Variants in ADGRG4 observed in about 807,000 individuals in gnomAD.
ADGRG4 encodes the protein G protein-coupled receptor 112.
In ADGRG4, 122 loss-of-function variants were observed where a neutral mutation model predicts 126.2. The observed-to-expected ratio is 0.97, with a 90% CI of 0.83 to 1.12. The LOEUF (loss-of-function observed/expected upper bound fraction) is 1.12. Ranked by LOEUF, ADGRG4 falls within the 50% of genes most tolerant of loss-of-function variation. The pLI is 0.00. For synonymous variants in ADGRG4, 943 were observed against 838.7 expected (o/e 1.12, Z -2.15); for missense variants, 2,481 against 2,251.8 (o/e 1.10, Z -2.06).
chrX:136,305,005 A>G lies in ADGRG4; in HGVS notation c.-28A>G, dbSNP rs2074724276. Reference sequence around the variant, plus strand: ...CACTTTACATACTGTGTGTTATGTAATCTTCACAGCAATATGAGGTGAGTT... The same window carrying G: ...CACTTTACATACTGTGTGTTATGTAGTCTTCACAGCAATATGAGGTGAGTT... On this transcript the variant is annotated 5_prime_UTR_variant, in exon 3 of 26. An upstream open reading frame in the 5' UTR loses its in-frame stop. Transcript: ENST00000394143. 1 of 111,955 alleles carries G rather than the reference A, an allele frequency of 8.9e-6. No individual in the cohort carries two copies. Among genetic ancestry groups the G allele is most frequent in the Non-Finnish European group, 1.9e-5 (1 of 53,173 alleles). 9.2% of individuals were successfully genotyped at this position (111,955 alleles called of 1,213,427 possible). A position where few individuals can be genotyped will look rare whatever the true frequency, so the allele number is the denominator to read the frequency against.
chrX:136,319,008 G>T (rs889094626), intron 4 of ADGRG4, among the ~76,000 whole-genome samples: 17 of 112,881 alleles, frequency 1.5e-4, no homozygotes, highest in Non-Finnish European at 3.0e-4. Flanking sequence ...GAGCAATCAT[G>T]CAATTTGGAC....
intron 5 of ADGRG4, among the ~76,000 whole-genome samples, chrX:136,330,717 A>G (rs531977184): frequency 9.0e-6 from 1 of 111,695 alleles, no homozygotes; most frequent in African/African-American, 3.3e-5. Context: ...CTGTGGGTAC[A>G]TATTAGGTGT....
chrX:136,345,012 G>A lies in ADGRG4; in HGVS notation c.1306G>A (p.Glu436Lys). 1.7e-6 allele frequency: 2 copies of A among 1,211,339 alleles called. No homozygotes were observed. Among genetic ancestry groups the A allele is most frequent in the Non-Finnish European group, 2.2e-6 (2 of 895,269 alleles). The change falls in exon 6 of 26, where the codon GAG becomes AAG. Residue 436 changes from glutamate (E) to lysine (K), a missense_variant. Physicochemically the swap from Glu to Lys is moderately conservative, Grantham distance 56. Transcript: ENST00000394143. ...GALPISTAGQEFIESTAAGTV... is the reference protein window; with the variant it reads ...GALPISTAGQKFIESTAAGTV... ...ACTCCCTATCTCCACAGCTGGCCAG[G>A]AGTTCATTGAATCTACAGCTGCCGG... is the stretch of plus-strand genomic sequence containing the variant.
At chrX:136,301,166 T>A (rs1478550914) in intron 1 of ADGRG4, among the ~76,000 whole-genome samples, 166 bp downstream of exon 1, 1 of 112,173 alleles carries the variant, frequency 8.9e-6, no homozygotes, top group African/African-American at 3.2e-5. Context: ...TGCCACACTG[T>A]CTTCCACAAT....
chrX:136,339,103 C>T (rs1045231744), intron 5 of ADGRG4, among the ~76,000 whole-genome samples: 2 of 110,848 alleles, frequency 1.8e-5, no homozygotes, highest in Non-Finnish European at 3.8e-5. Flanking sequence ...TCTTGACTTC[C>T]GCTAGTCTCT....
chrX:136,387,448 C>T (rs2075297846), intron 15 of ADGRG4, among the ~76,000 whole-genome samples: 1 of 111,919 alleles, frequency 8.9e-6, no homozygotes, highest in Non-Finnish European at 1.9e-5. Context: ...ATTTCCCTCT[C>T]ATCTCTATTA....
At chrX:136,316,795 A>G (rs1023498378) in intron 4 of ADGRG4, among the ~76,000 whole-genome samples, 1 of 110,962 alleles carries the variant, frequency 9.0e-6, no homozygotes, top group African/African-American at 3.3e-5. Context: ...AAATAAATGT[A>G]TTTATTACTT....
In ADGRG4 at chrX:136,345,658, G is replaced by A. The variant is rs764341510; in HGVS notation, c.1952G>A (p.Ser651Asn). The A allele has an allele frequency of 6.5e-5, 79 of 1,208,882 alleles. No individual in the cohort carries two copies. Among genetic ancestry groups the A allele is most frequent in the Non-Finnish European group, 8.6e-5 (77 of 894,391 alleles). ...GATGAAGCTGCCCATCTGTTCTCCA[G>A]CAATGAGACCATTTGGACTTCTAGG... ...TTDEAAHLFS[S>N]NETIWTSRPD... The change falls in exon 6 of 26, where the codon AGC becomes AAC. Residue 651 changes from serine (S) to asparagine (N), a missense_variant. By Grantham distance (46) the Ser-to-Asn change is conservative. Transcript: ENST00000394143.
At chrX:136,316,778 A>AC (rs1160546342) in intron 4 of ADGRG4, among the ~76,000 whole-genome samples, 1 of 110,755 alleles carries the variant, frequency 9.0e-6, no homozygotes. Context: ...TTACTCACTG[A>AC]CTTTTAAAAT....
intron 4 of ADGRG4, among the ~76,000 whole-genome samples, chrX:136,313,586 A>C (rs1020221084): frequency 2.7e-5 from 3 of 111,939 alleles, no homozygotes; most frequent in African/African-American, 6.5e-5. Context: ...ACAGATGAAA[A>C]ACGCTCATAT....
intron 13 of ADGRG4, 121 bp from the exon 14 acceptor site, chrX:136,371,207 A>C: frequency 2.4e-6 from 1 of 411,388 alleles, no homozygotes; most frequent in Non-Finnish European, 4.1e-6. Flanking sequence ...TCCTTCTGTA[A>C]ACACATTACC....
Position 136,346,839 on chromosome X carries a change from A to T in ADGRG4, c.3133A>T (p.Thr1045Ser), listed in dbSNP as rs1176456098. The change falls in exon 6 of 26, where the codon ACA becomes TCA. Residue 1045 changes from threonine (T) to serine (S), a missense_variant. Thr to Ser is a moderately conservative substitution (Grantham distance 58). Coordinates refer to ENST00000394143, the MANE Select transcript of ADGRG4 (RefSeq NM_153834.4). Reference protein sequence around the residue: ...EPSTLARAFSTSVLSDVSNLS... With the variant: ...EPSTLARAFSSSVLSDVSNLS... Reference sequence around the variant, plus strand: ...TTCTACACTGGCCAGGGCTTTTTCTACATCTGTGCTCTCAGATGTCTCAAA... The same window carrying T: ...TTCTACACTGGCCAGGGCTTTTTCTTCATCTGTGCTCTCAGATGTCTCAAA... 5 of 1,208,990 alleles carry T rather than the reference A, an allele frequency of 4.1e-6. No homozygotes were observed. In the African/African-American group the frequency reaches 8.8e-5, roughly 21 times the overall value.
chrX:136,363,198 T>C (rs5974594), intron 12 of ADGRG4, among the ~76,000 whole-genome samples: 54,893 of 110,595 alleles, frequency 0.5, 9,997 homozygotes, highest in Middle Eastern at 0.59. Context: ...TCTGTCTTGA[T>C]GCTTGGTCAG....
At chrX:136,392,199 A>C in intron 16 of ADGRG4, 33 bp from the exon 17 acceptor site, 1 of 1,114,823 alleles carries the variant, frequency 9.0e-7, no homozygotes, top group Non-Finnish European at 1.2e-6. Context: ...TTAGAAATTT[A>C]GGTCCTGAAC....
At chrX:136,413,395 A>G (rs963786224) in intron 24 of ADGRG4, among the ~76,000 whole-genome samples, 2 of 110,637 alleles carry the variant, frequency 1.8e-5, no homozygotes, top group Non-Finnish European at 3.8e-5. Context: ...AATTTCATCC[A>G]TGTCCCTACA....
chrX:136,402,675 G>T (rs1169791982), intron 21 of ADGRG4, among the ~76,000 whole-genome samples: 1 of 111,221 alleles, frequency 9.0e-6, no homozygotes, highest in Non-Finnish European at 1.9e-5. Context: ...CTCTCCTCAC[G>T]TTTGACCATT....
chrX:136,416,468 G>T lies in ADGRG4; in HGVS notation c.9220G>T (p.Asp3074Tyr). 8 of 1,198,491 alleles carry T rather than the reference G, an allele frequency of 6.7e-6. No homozygotes were observed. Among genetic ancestry groups the T allele is most frequent in the Non-Finnish European group, 7.9e-6 (7 of 886,724 alleles). Reference sequence around the variant, plus strand: ...CTTTACTGCAGATGACTTTGACAAAGATCCTTACTGTTCCTCTCCTTGATT... The same window carrying T: ...CTTTACTGCAGATGACTTTGACAAATATCCTTACTGTTCCTCTCCTTGATT... ...ISFPNDDFDK[D>Y]PYCSSP is the part of the protein sequence containing the mutation. The change falls in exon 26 of 26, where the codon GAT becomes TAT. Residue 3074 changes from aspartate to tyrosine, a missense_variant. Coordinates refer to ENST00000394143, the MANE Select transcript of ADGRG4 (RefSeq NM_153834.4).
intron 5 of ADGRG4, among the ~76,000 whole-genome samples, chrX:136,332,027 T>A (rs924985575): frequency 1.8e-5 from 2 of 109,336 alleles, no homozygotes; most frequent in African/African-American, 6.7e-5. Flanking sequence ...TATTATACTT[T>A]AAGTTTTAGG....
intron 14 of ADGRG4, among the ~76,000 whole-genome samples, chrX:136,372,086 A>G (rs1230702920): frequency 9.0e-6 from 1 of 111,444 alleles, no homozygotes; most frequent in Non-Finnish European, 1.9e-5. Context: ...AGTGATAGCA[A>G]GCTTTCAAGT....
Sources: allele counts gnomAD v4.1 joint callset (sites outside exome capture counted in the v4.1 genomes callset), GRCh38; gene constraint gnomAD v4.1.1; transcripts MANE v1.5; gene names NCBI Gene and HGNC (gene_info 2026-07-23, HGNC 2026-07-21).